The following KIAA0825 variants were observed in gnomAD, a reference collection of about 807,000 sequenced individuals.
KIAA0825 encodes the protein KIAA0825.
Under a neutral mutation model 147.6 loss-of-function variants are expected in KIAA0825, and 119 were observed. The ratio of observed to expected loss-of-function variants is 0.81; its 90% CI spans 0.69 to 0.94. The LOEUF is 0.94. Among genes scored for constraint, KIAA0825 ranks in the 40% least tolerant of loss-of-function variants. The pLI, the probability that KIAA0825 is intolerant of heterozygous loss-of-function variation, is 0.00. For missense variants in KIAA0825, 1,381 were observed against 1,472.7 expected (o/e 0.94, Z 1.02); for synonymous variants, 470 against 518.1 (o/e 0.91, Z 1.26).
intron 20 of KIAA0825, among the ~76,000 whole-genome samples, chr5:94,202,994 A>T (rs539616748): frequency 6.6e-6 from 1 of 152,326 alleles, no homozygotes; most frequent in African/African-American, 2.4e-5. Context: ...CTGTACCCCT[A>T]TCTGTCCTCA....
intron 2 of KIAA0825, among the ~76,000 whole-genome samples, chr5:94,574,543 C>CAAAAAAAAAAAAAAAAAAAAA (rs1181241238): frequency 6.1e-5 from 4 of 65,528 alleles, no homozygotes; most frequent in South Asian, 7.6e-4. Flanking sequence ...GACTCCATCT[C>CAAAAAAAAAAAAAAAAAAAAA]AAAAAAAAAA....
At chr5:94,447,674 TAAATA>T (rs1256541440) in intron 13 of KIAA0825, among the ~76,000 whole-genome samples, 2 of 152,038 alleles carry the variant, frequency 1.3e-5, no homozygotes, top group African/African-American at 2.4e-5. Context: ...CTTGCTAAAC[TAAATA>T]AAAGGAAAGA....
intron 15 of KIAA0825, among the ~76,000 whole-genome samples, chr5:94,411,745 G>A (rs1007319422): frequency 4.6e-5 from 7 of 151,884 alleles, no homozygotes; most frequent in South Asian, 4.2e-4. Flanking sequence ...TCAGGAGTTC[G>A]AGACCAGCCT....
At chr5:94,401,762 G>A (rs1751409351) in intron 16 of KIAA0825, among the ~76,000 whole-genome samples, 1 of 152,050 alleles carries the variant, frequency 6.6e-6, no homozygotes, top group African/African-American at 2.4e-5. Flanking sequence ...CTAGTCTCCT[G>A]GCACCAGGAG....
intron 20 of KIAA0825, among the ~76,000 whole-genome samples, chr5:94,173,850 A>G (rs1033184154): frequency 6.6e-6 from 1 of 152,188 alleles, no homozygotes; most frequent in African/African-American, 2.4e-5. Flanking sequence ...GAACAGGGAA[A>G]GCAACATAGA....
At chr5:94,317,033 T>G (rs1779722206) in intron 20 of KIAA0825, among the ~76,000 whole-genome samples, 1 of 151,792 alleles carries the variant, frequency 6.6e-6, no homozygotes, top group South Asian at 2.1e-4. Context: ...TTTGTTTCTT[T>G]TTCCTATGCC....
intron 5 of KIAA0825, among the ~76,000 whole-genome samples, chr5:94,496,093 G>A (rs1764317750): frequency 6.6e-6 from 1 of 152,176 alleles, no homozygotes; most frequent in African/African-American, 2.4e-5. Context: ...AGAGGCTAGG[G>A]GAGAGGCAGT....
At chr5:94,313,617 CTT>C (rs55688689) in intron 20 of KIAA0825, among the ~76,000 whole-genome samples, 258 of 141,724 alleles carry the variant, frequency 1.8e-3, no homozygotes, top group Admixed American at 1.9e-3. Flanking sequence ...AGGGAGGTTT[CTT>C]TTTTTTTTTT....
chr5:94,434,544 A>G (rs1459933916), intron 14 of KIAA0825, among the ~76,000 whole-genome samples: 2 of 152,246 alleles, frequency 1.3e-5, no homozygotes, highest in Admixed American at 1.3e-4. Flanking sequence ...TAATCTTTAT[A>G]GTACATGGTT....
chr5:94,599,012 T>C (rs901464074), intron 1 of KIAA0825, among the ~76,000 whole-genome samples: 6 of 152,190 alleles, frequency 3.9e-5, no homozygotes, highest in Non-Finnish European at 7.4e-5. Flanking sequence ...CTGGATCATA[T>C]GGTAGTTCTA....
rs1364132036 is a variant in KIAA0825 at position 94,153,206 on chromosome 5, A to G, written c.*801T>C. On this transcript the variant is annotated 3_prime_UTR_variant, in exon 21 of 21. Coordinates refer to ENST00000682413, the MANE Select transcript of KIAA0825 (RefSeq NM_001145678.3). ...TATTTTGTGTGTGTGTATCAATACA[A>G]TGAAAAAATTTTAAAGTAACACATT... 2.0e-5 allele frequency: 3 copies of G among 151,860 alleles called. No homozygotes were observed. The highest frequency in any genetic ancestry group is 4.8e-5 in the African/African-American group (2 of 41,362). The allele number at this position is 151,860 out of a possible 1,614,324, so 9.4% of individuals were successfully genotyped here. A position where few individuals can be genotyped will look rare whatever the true frequency, so the allele number is the denominator to read the frequency against.
chr5:94,501,593 G>A lies in KIAA0825; in HGVS notation c.971-16663C>T, dbSNP rs564064998. ...CAGGCTTCTTTTTGCAGCAATGAGA[G>A]GATGATGCAAGAGGGGTCAGGTGAG... On this transcript the variant is annotated intron_variant, in intron 5 of 20. Coordinates refer to ENST00000682413, the MANE Select transcript of KIAA0825 (RefSeq NM_001145678.3). 1.7e-4 allele frequency among the ~76,000 whole-genome samples: 26 copies of A among 152,268 alleles called. No individual in the cohort carries two copies. In the South Asian group the frequency reaches 5.0e-3, roughly 29 times the overall value.
intron 1 of KIAA0825, among the ~76,000 whole-genome samples, chr5:94,610,764 C>CAAAAAA (rs756579848): frequency 4.8e-5 from 1 of 20,844 alleles, no homozygotes; most frequent in Non-Finnish European, 9.1e-5. Context: ...ACTCTATCTG[C>CAAAAAA]AAAAAAAAAA....
intron 2 of KIAA0825, among the ~76,000 whole-genome samples, chr5:94,575,646 G>A (rs944710663): frequency 6.6e-5 from 10 of 152,190 alleles, no homozygotes; most frequent in Non-Finnish European, 4.4e-5. Context: ...AAAAATCAGC[G>A]TGGAAGAAGA....
chr5:94,516,760 C>A (rs1482111923), intron 5 of KIAA0825, among the ~76,000 whole-genome samples: 1 of 145,338 alleles, frequency 6.9e-6, no homozygotes, highest in Non-Finnish European at 1.5e-5. Flanking sequence ...ACAGCACTCC[C>A]GCCTGGGCGA....
At chr5:94,342,364 G>C (rs1782510292) in intron 20 of KIAA0825, among the ~76,000 whole-genome samples, 1 of 152,160 alleles carries the variant, frequency 6.6e-6, no homozygotes, top group Non-Finnish European at 1.5e-5. Context: ...TGAGGTTACT[G>C]CAGAATATAC....
intron 20 of KIAA0825, among the ~76,000 whole-genome samples, chr5:94,327,258 T>G (rs1020879889): frequency 3.9e-5 from 6 of 152,130 alleles, no homozygotes; most frequent in African/African-American, 1.4e-4. Context: ...CTTTTTAAAT[T>G]ATTAATCCAG....
intron 20 of KIAA0825, among the ~76,000 whole-genome samples, chr5:94,189,514 C>T (rs571992253): frequency 2.4e-4 from 37 of 152,218 alleles, no homozygotes; most frequent in African/African-American, 8.2e-4. Flanking sequence ...TCCAGTATCA[C>T]TTATTGAAAA....
At chr5:94,523,014 C>T (rs772448160) in intron 4 of KIAA0825, among the ~76,000 whole-genome samples, 1 of 151,598 alleles carries the variant, frequency 6.6e-6, no homozygotes, top group East Asian at 1.9e-4. Flanking sequence ...GAGAGGTTTC[C>T]TTAAAAGAAT....
Sources: allele counts gnomAD v4.1 joint callset (sites outside exome capture counted in the v4.1 genomes callset), GRCh38; gene constraint gnomAD v4.1.1; transcripts MANE v1.5; gene names NCBI Gene and HGNC (gene_info 2026-07-23, HGNC 2026-07-21).